CACNA1I: variants seen among roughly 807,000 people sequenced by gnomAD.
CACNA1I encodes the protein calcium voltage-gated channel subunit alpha1 I, also known as voltage-dependent T-type calcium channel subunit alpha-1I.
A neutral mutation model predicts 201.6 loss-of-function variants in CACNA1I; 74 were observed. The ratio of observed to expected loss-of-function variants is 0.37; its 90% CI spans 0.30 to 0.45. CACNA1I has a LOEUF of 0.45. Ranked by LOEUF, CACNA1I falls within the 20% of genes least tolerant of loss-of-function variation. CACNA1I has a pLI of 1.00. For synonymous variants in CACNA1I, 1,431 were observed against 1,345.2 expected (o/e 1.06, Z -1.40); for missense variants, 2,346 against 3,138.1 (o/e 0.75, Z 6.03).
chr22:39,602,502 G>A (rs552557077), intron 3 of CACNA1I, among the ~76,000 whole-genome samples: 82 of 152,132 alleles, frequency 5.4e-4, no homozygotes, highest in Non-Finnish European at 8.4e-4. Context: ...TCTTAGTCAC[G>A]TTCTTCGTTT....
intron 6 of CACNA1I, 68 bp from the exon 7 acceptor site, chr22:39,642,729 G>A (rs1934380425): frequency 5.6e-6 from 6 of 1,063,264 alleles, no homozygotes; most frequent in Non-Finnish European, 8.5e-6. Flanking sequence ...TCTGTCTGGG[G>A]CACTGCCTGG....
chr22:39,585,076 T>A (rs1415240950), intron 1 of CACNA1I, among the ~76,000 whole-genome samples: 1 of 152,248 alleles, frequency 6.6e-6, no homozygotes, highest in Non-Finnish European at 1.5e-5. Context: ...TATTTCTTTT[T>A]GAGATAGAGT....
At chr22:39,595,873 G>T (rs1012102389) in intron 1 of CACNA1I, among the ~76,000 whole-genome samples, 1 of 151,698 alleles carries the variant, frequency 6.6e-6, no homozygotes, top group African/African-American at 2.4e-5. Context: ...GTCCCCTTTG[G>T]AATGTAGATT....
Position 39,684,979 on chromosome 22 carries a change from T to G in CACNA1I, c.6027+481T>G. ...GGATTGGCCAGGGCCACAGCCCTCC[T>G]ACCCACGGGCACACAGAGGTCTGAA... On this transcript the variant is annotated intron_variant, in intron 36 of 36. Transcript: ENST00000402142. This position sits in a 1 kb window ranked among gnomAD's most constrained non-coding sequence, Gnocchi z 4.6. The G allele has an allele frequency of 4.3e-6, 1 of 232,620 alleles. No individual in the cohort carries two copies. The highest frequency in any genetic ancestry group is 8.4e-6 in the Non-Finnish European group (1 of 119,308). 14.4% of individuals were successfully genotyped at this position (232,620 alleles called of 1,614,324 possible).
chr22:39,578,599 C>T (rs1205776419), intron 1 of CACNA1I, among the ~76,000 whole-genome samples: 1 of 152,014 alleles, frequency 6.6e-6, no homozygotes, highest in East Asian at 1.9e-4. Context: ...CCTCTCCTCC[C>T]CAGTTCGCCT....
At chr22:39,655,063 A>G (rs760072426) in intron 10 of CACNA1I, among the ~76,000 whole-genome samples, 3 of 152,150 alleles carry the variant, frequency 2.0e-5, no homozygotes, top group Non-Finnish European at 4.4e-5. Flanking sequence ...TCTGACTTCA[A>G]CACAGCCTGG....
Position 39,662,307 on chromosome 22 carries a change from TG to T in CACNA1I, c.3246del (p.Trp1082Ter). On this transcript the variant is annotated frameshift_variant, in exon 17 of 37. Transcript: ENST00000402142. LOFTEE classifies it high-confidence loss of function. ...GGTGGGCGCCCACCCCCGGGCCGCC[TG>T]GAGGGCGGCAGGCCCGGCCCCCGGG... ...PAVGAHPRAA[W>X]RAAGPAPGHE... 1 of 1,487,026 alleles carries T rather than the reference TG, an allele frequency of 6.7e-7. No individual in the cohort carries two copies. Among genetic ancestry groups the T allele is most frequent in the South Asian group, 1.3e-5 (1 of 76,744 alleles). The allele number at this position is 1,487,026 out of a possible 1,614,324, so 92.1% of individuals were successfully genotyped here.
chr22:39,664,954 A>G, intron 21 of CACNA1I, 31 bp downstream of exon 21: 3 of 1,601,992 alleles, frequency 1.9e-6, no homozygotes, highest in South Asian at 1.1e-5. Context: ...GATGGGGGAA[A>G]GTGTCATGCA....
rs765361707 is a variant in CACNA1I, at chr22:39,684,262, G to A, written c.5831-40G>A. ...CCTTCCAGGGGCTGCCCCCTGGCCT[G>A]AGCGTGCTCCCTCAGCTCTGTCTTC... On this transcript the variant is annotated intron_variant, in intron 35 of 36. Transcript: ENST00000402142. The surrounding 1 kb of genome is among the most constrained non-coding windows in gnomAD (Gnocchi z 4.6). 2 of 1,594,498 alleles carry A rather than the reference G, an allele frequency of 1.3e-6. No individual in the cohort carries two copies. The highest frequency in any genetic ancestry group is 1.7e-6 in the Non-Finnish European group (2 of 1,166,050).
chr22:39,633,361 C>A (rs577892898), intron 4 of CACNA1I, among the ~76,000 whole-genome samples: 2 of 152,128 alleles, frequency 1.3e-5, no homozygotes, highest in Non-Finnish European at 2.9e-5. Flanking sequence ...TAGAATAAGA[C>A]GAGATATTGA....
chr22:39,615,538 T>A (rs550245817), intron 3 of CACNA1I, among the ~76,000 whole-genome samples: 43 of 151,984 alleles, frequency 2.8e-4, no homozygotes, highest in Non-Finnish European at 3.8e-4. Flanking sequence ...GTGCATTGAG[T>A]CATTGTCAAG....
At chr22:39,650,070 C>A in intron 10 of CACNA1I, 145 bp downstream of exon 10, 2 of 853,710 alleles carry the variant, frequency 2.3e-6, no homozygotes, top group Non-Finnish European at 3.7e-6. Context: ...TCCAGTTCAT[C>A]CATGTGACCT....
intron 6 of CACNA1I, 90 bp from the exon 7 acceptor site, chr22:39,642,707 C>G (rs2146421606): frequency 1.2e-6 from 1 of 825,000 alleles, no homozygotes; most frequent in Admixed American, 2.0e-5. Flanking sequence ...CGTTCTGGCA[C>G]ACAGTGGGGC....
intron 20 of CACNA1I, among the ~76,000 whole-genome samples, chr22:39,664,436 G>A (rs1246265877): frequency 6.6e-6 from 1 of 152,060 alleles, no homozygotes; most frequent in Admixed American, 6.5e-5. Context: ...TGGGGCGCAG[G>A]GGAAGCATCC....
intron 1 of CACNA1I, among the ~76,000 whole-genome samples, chr22:39,583,425 CATCT>C (rs1932648213): frequency 6.6e-6 from 1 of 152,122 alleles, no homozygotes; most frequent in African/African-American, 2.4e-5. Context: ...GCCATCCATC[CATCT>C]ATCCATCCAT....
chr22:39,619,862 C>T (rs961126387), intron 4 of CACNA1I, among the ~76,000 whole-genome samples: 1 of 152,156 alleles, frequency 6.6e-6, no homozygotes, highest in Non-Finnish European at 1.5e-5. Flanking sequence ...TCACCCACCA[C>T]AGATCGATGT....
At chr22:39,672,111 T>C (rs1935393218) in intron 26 of CACNA1I, 88 bp from the exon 27 acceptor site, 5 of 764,610 alleles carry the variant, frequency 6.5e-6, no homozygotes, top group South Asian at 3.2e-5. Flanking sequence ...CTAAATTCTC[T>C]CCTTAAAAGG....
chr22:39,630,348 T>C (rs1231954024), intron 4 of CACNA1I, among the ~76,000 whole-genome samples: 2 of 152,244 alleles, frequency 1.3e-5, no homozygotes, highest in Admixed American at 1.3e-4. Flanking sequence ...TATTGCCTGC[T>C]TTTCCCTACC....
Position 39,677,252 on chromosome 22 carries a change from A to C in CACNA1I, c.4855-89A>C, listed in dbSNP as rs1601526351. 4.8e-6 allele frequency: 4 copies of C among 841,452 alleles called. No homozygotes were observed. The highest frequency in any genetic ancestry group is 7.6e-6 in the Non-Finnish European group (4 of 525,288). The allele number at this position is 841,452 out of a possible 1,614,324, so 52.1% of individuals were successfully genotyped here. ...GCTGCTCTGACCCACAGGCTGCCCAACCCCACTGCCCCAGCCTCCACCCTT... is the reference window on the plus strand; with the variant it reads ...GCTGCTCTGACCCACAGGCTGCCCACCCCCACTGCCCCAGCCTCCACCCTT... On this transcript the variant is annotated intron_variant, in intron 29 of 36. Coordinates refer to ENST00000402142, the MANE Select transcript of CACNA1I (RefSeq NM_021096.4). This position sits in a 1 kb window ranked among gnomAD's most constrained non-coding sequence, Gnocchi z 4.8.
Sources: allele counts gnomAD v4.1 joint callset (sites outside exome capture counted in the v4.1 genomes callset), GRCh38; gene constraint gnomAD v4.1.1; non-coding constraint Gnocchi (gnomAD v3.1); transcripts MANE v1.5; gene names NCBI Gene and HGNC (gene_info 2026-07-23, HGNC 2026-07-21).